RANBP2: variants seen among roughly 807,000 people sequenced by gnomAD.
The protein encoded by RANBP2 is E3 SUMO-protein ligase RanBP2.
Under a neutral mutation model 303.6 loss-of-function variants are expected in RANBP2, and 57 were observed. The observed-to-expected ratio is 0.19, with a 90% confidence interval of 0.15 to 0.23. RANBP2 has a LOEUF of 0.23. Among genes scored for constraint, RANBP2 ranks in the 10% least tolerant of loss-of-function variants. RANBP2 has a pLI of 1.00. For synonymous variants in RANBP2, 1,167 were observed against 1,301.5 expected (o/e 0.90, Z 2.23); for missense variants, 3,138 against 3,780.8 (o/e 0.83, Z 4.46).
chr2:109,476,704 A>G, the RANBP2 span, among the ~76,000 whole-genome samples: 1 of 152,332 alleles, frequency 6.6e-6, no homozygotes, highest in South Asian at 2.1e-4. Flanking sequence ...CTGTAAAGTG[A>G]AAGCAAGTTT....
chr2:108,750,556 CCTTTT>C (rs70956276), intron 9 of RANBP2, among the ~76,000 whole-genome samples: 16,464 of 135,270 alleles, frequency 0.12, 1,138 homozygotes, highest in African/African-American at 0.19. Flanking sequence ...AAGCACATAA[CCTTTT>C]CTTTTCTTTT....
the RANBP2 span, among the ~76,000 whole-genome samples, chr2:109,627,714 T>A: frequency 3.3e-5 from 5 of 152,374 alleles, no homozygotes; most frequent in East Asian, 9.6e-4. Flanking sequence ...CCTTAGGTGA[T>A]CTTCCACACT....
At chr2:108,948,301 G>A in the RANBP2 span, among the ~76,000 whole-genome samples, 2 of 152,192 alleles carry the variant, frequency 1.3e-5, no homozygotes, top group Non-Finnish European at 2.9e-5. Flanking sequence ...CAAGTCTGTA[G>A]GAAGTTCCAA....
chr2:109,659,526 G>A, the RANBP2 span, among the ~76,000 whole-genome samples: 126 of 152,350 alleles, frequency 8.3e-4, 2 homozygotes, highest in Admixed American at 3.3e-3. Flanking sequence ...TCAGTGGTTC[G>A]CATGGACGGT....
At chr2:109,289,133 A>G in the RANBP2 span, among the ~76,000 whole-genome samples, 1 of 152,198 alleles carries the variant, frequency 6.6e-6, no homozygotes, top group Admixed American at 6.5e-5. Flanking sequence ...ATATGAAAAG[A>G]AAATTATTAA....
At chr2:109,613,605 A>G in the RANBP2 span, 1 of 310,354 alleles carries the variant, frequency 3.2e-6, no homozygotes, top group Non-Finnish European at 5.6e-6. Flanking sequence ...GGCCGCGCCC[A>G]GGCTCCGCAG....
the RANBP2 span, chr2:108,912,576 G>T: frequency 8.8e-7 from 1 of 1,139,396 alleles, no homozygotes; most frequent in Non-Finnish European, 1.3e-6. Context: ...AGGTGGGGAA[G>T]CGCACCATAA....
At chr2:109,676,378 C>T in the RANBP2 span, among the ~76,000 whole-genome samples, 1 of 152,202 alleles carries the variant, frequency 6.6e-6, no homozygotes, top group South Asian at 2.1e-4. Flanking sequence ...TTGCAGAGTG[C>T]CCTGTAATTG....
the RANBP2 span, among the ~76,000 whole-genome samples, chr2:109,234,583 A>T: frequency 1.4e-4 from 21 of 152,342 alleles, no homozygotes; most frequent in Non-Finnish European, 1.3e-4. Context: ...GCCCTCGTTG[A>T]CAGCTGTTTA....
chr2:109,177,239 G>C, the RANBP2 span, among the ~76,000 whole-genome samples: 1 of 152,170 alleles, frequency 6.6e-6, no homozygotes, highest in African/African-American at 2.4e-5. Context: ...TCCTGTGCAG[G>C]ATTGTGAAGC....
chr2:109,270,419 T>G, the RANBP2 span, among the ~76,000 whole-genome samples: 1 of 152,012 alleles, frequency 6.6e-6, no homozygotes, highest in East Asian at 1.9e-4. Context: ...TGGCTGAGGG[T>G]GCCTGCAGCT....
At chr2:108,953,853 AG>A in the RANBP2 span, among the ~76,000 whole-genome samples, 1 of 152,182 alleles carries the variant, frequency 6.6e-6, no homozygotes, top group African/African-American at 2.4e-5. Flanking sequence ...TGTGTGCCCA[AG>A]GGTCAAGTGA....
At chr2:109,565,906 G>T in the RANBP2 span, 2 of 1,448,290 alleles carry the variant, frequency 1.4e-6, no homozygotes, top group Non-Finnish European at 1.9e-6. Context: ...TGTGATAACT[G>T]ACTAGATAAA....
chr2:108,758,169 C>T (rs1176512863), intron 17 of RANBP2, among the ~76,000 whole-genome samples: 3 of 151,922 alleles, frequency 2.0e-5, no homozygotes, highest in South Asian at 2.1e-4. Context: ...TGCTGGCTGA[C>T]GCCTGTAATC....
At chr2:109,130,094 G>C in the RANBP2 span, 19 of 1,348,994 alleles carry the variant, frequency 1.4e-5, no homozygotes, top group Non-Finnish European at 1.7e-5. Context: ...GCGACCAGCA[G>C]GACCGCGCCG....
the RANBP2 span, among the ~76,000 whole-genome samples, chr2:109,696,891 C>T: frequency 6.6e-6 from 1 of 152,160 alleles, no homozygotes; most frequent in Non-Finnish European, 1.5e-5. Context: ...GATCCTCCTA[C>T]CTCAGTCTCC....
At chr2:108,794,539 G>T in the RANBP2 span, 1 of 1,592,784 alleles carries the variant, frequency 6.3e-7, no homozygotes, top group Non-Finnish European at 8.6e-7. Flanking sequence ...TTTCTTTGCA[G>T]TTGCCTTGCC....
chr2:109,717,531 G>A, the RANBP2 span, among the ~76,000 whole-genome samples: 1 of 151,770 alleles, frequency 6.6e-6, no homozygotes, highest in Non-Finnish European at 1.5e-5. Context: ...GCAGTGAGCT[G>A]AGATCTTACC....
At chr2:109,654,631 A>G in the RANBP2 span, among the ~76,000 whole-genome samples, 1 of 152,242 alleles carries the variant, frequency 6.6e-6, no homozygotes, top group South Asian at 2.1e-4. Context: ...AGTCATTGTG[A>G]TATCATAGAA....
Sources: allele counts gnomAD v4.1 joint callset (sites outside exome capture counted in the v4.1 genomes callset), GRCh38; gene constraint gnomAD v4.1.1; transcripts MANE v1.5; gene names NCBI Gene and HGNC (gene_info 2026-07-23, HGNC 2026-07-21).